The following PCCA variants were observed in gnomAD, a reference collection of about 807,000 sequenced individuals.
PCCA encodes the protein propionyl-CoA carboxylase subunit alpha, also known as propionyl-CoA carboxylase alpha chain, mitochondrial.
Under a neutral mutation model 101.3 loss-of-function variants are expected in PCCA, and 74 were observed. The ratio of observed to expected loss-of-function variants is 0.73; its 90% CI spans 0.61 to 0.89. The LOEUF is 0.89. Among genes scored for constraint, PCCA ranks in the 40% least tolerant of loss-of-function variants. PCCA has a pLI of 0.00. For missense variants in PCCA, 891 were observed against 907.0 expected, an observed-to-expected ratio of 0.98 and a Z score of 0.23; for synonymous variants, 294 against 313.6, an observed-to-expected ratio of 0.94 and a Z score of 0.66.
chr13:100,176,448 T>C (rs771269075), intron 6 of PCCA, among the ~76,000 whole-genome samples: 1 of 152,332 alleles, frequency 6.6e-6, no homozygotes, highest in Middle Eastern at 3.4e-3. Flanking sequence ...TGTATAAAAA[T>C]TTGGGTTTAT....
intron 4 of PCCA, among the ~76,000 whole-genome samples, chr13:100,117,136 T>C (rs1346134838): frequency 6.6e-6 from 1 of 152,240 alleles, no homozygotes; most frequent in Non-Finnish European, 1.5e-5. Flanking sequence ...TTTTGTGTTT[T>C]ATTTTTAAGT....
intron 20 of PCCA, among the ~76,000 whole-genome samples, chr13:100,445,742 G>A (rs2080778992): frequency 6.6e-6 from 1 of 150,934 alleles, no homozygotes; most frequent in South Asian, 2.1e-4. Flanking sequence ...GCAAATGGTA[G>A]GATTTTCTTT....
At chr13:100,493,509 A>G (rs1198088014) in intron 21 of PCCA, among the ~76,000 whole-genome samples, 16 of 152,166 alleles carry the variant, frequency 1.1e-4, no homozygotes, top group Admixed American at 9.8e-4. Flanking sequence ...ACGTGGATGC[A>G]GCTCGGTTCT....
chr13:100,444,053 A>G (rs536185286), intron 20 of PCCA, among the ~76,000 whole-genome samples: 1 of 152,042 alleles, frequency 6.6e-6, no homozygotes, highest in South Asian at 2.1e-4. Context: ...CTGGGTTTAT[A>G]ATTCCTTCCT....
At chr13:100,477,517 G>T (rs746418227) in intron 21 of PCCA, 2 of 152,170 alleles carry the variant, frequency 1.3e-5, no homozygotes, top group Non-Finnish European at 2.9e-5. Context: ...GTGCTCATTC[G>T]GGTAGTGCAG....
At chr13:100,403,840 C>T (rs984761813) in intron 19 of PCCA, among the ~76,000 whole-genome samples, 2 of 152,134 alleles carry the variant, frequency 1.3e-5, no homozygotes, top group Admixed American at 6.5e-5. Flanking sequence ...TTCCTCCCTG[C>T]TGCAAACACT....
At chr13:100,468,397 A>G (rs1038724528) in intron 21 of PCCA, among the ~76,000 whole-genome samples, 2 of 152,166 alleles carry the variant, frequency 1.3e-5, no homozygotes, top group African/African-American at 4.8e-5. Context: ...CTAGTTGTGA[A>G]AGTTAGATGA....
chr13:100,442,662 G>C (rs890824877), intron 20 of PCCA, among the ~76,000 whole-genome samples: 1 of 152,146 alleles, frequency 6.6e-6, no homozygotes, highest in African/African-American at 2.4e-5. Flanking sequence ...TCCAGCAGGG[G>C]GAAGTAGATA....
At chr13:100,387,374 A>C (rs1299262188) in intron 19 of PCCA, among the ~76,000 whole-genome samples, 2 of 152,214 alleles carry the variant, frequency 1.3e-5, no homozygotes, top group African/African-American at 4.8e-5. Flanking sequence ...TGTGTTTCCC[A>C]ATAGCAAAAG....
chr13:100,346,221 A>G (rs2072194747), intron 18 of PCCA, among the ~76,000 whole-genome samples: 1 of 152,216 alleles, frequency 6.6e-6, no homozygotes, highest in Admixed American at 6.5e-5. Flanking sequence ...GATCTGGACA[A>G]AGCAAATTGA....
chr13:100,247,234 T>C (rs1008878318), intron 8 of PCCA, among the ~76,000 whole-genome samples: 3 of 144,274 alleles, frequency 2.1e-5, no homozygotes, highest in Non-Finnish European at 4.5e-5. Flanking sequence ...TTTTTTTTTT[T>C]TGAGACAGAG....
intron 4 of PCCA, among the ~76,000 whole-genome samples, chr13:100,139,680 T>C (rs1228306873): frequency 6.6e-6 from 1 of 152,164 alleles, no homozygotes; most frequent in African/African-American, 2.4e-5. Flanking sequence ...AATAACTTCC[T>C]TAAAATCTTT....
chr13:100,123,356 T>A (rs1306231553), intron 4 of PCCA, among the ~76,000 whole-genome samples: 2 of 152,170 alleles, frequency 1.3e-5, no homozygotes, highest in African/African-American at 4.8e-5. Context: ...CACCTGGCCC[T>A]GAATAACTCT....
chr13:100,260,699 A>G (rs1566815137), intron 9 of PCCA, among the ~76,000 whole-genome samples: 1 of 152,166 alleles, frequency 6.6e-6, no homozygotes, highest in East Asian at 1.9e-4. Context: ...ACTTGGCCAC[A>G]AATTAGTTGT....
At chr13:100,496,978 G>A (rs1485468103) in intron 21 of PCCA, among the ~76,000 whole-genome samples, 5 of 152,288 alleles carry the variant, frequency 3.3e-5, no homozygotes, top group Non-Finnish European at 5.9e-5. Context: ...AAGATGTCAC[G>A]GAATCCCAGT....
intron 2 of PCCA, among the ~76,000 whole-genome samples, chr13:100,108,263 A>G (rs1594120894): frequency 6.6e-6 from 1 of 152,220 alleles, no homozygotes; most frequent in African/African-American, 2.4e-5. Flanking sequence ...TTATTAGTAC[A>G]GTTATAGAGC....
chr13:100,401,574 TA>T (rs994031686), intron 19 of PCCA, among the ~76,000 whole-genome samples: 1 of 152,124 alleles, frequency 6.6e-6, no homozygotes, highest in Non-Finnish European at 1.5e-5. Flanking sequence ...TATTTTTTTT[TA>T]ATTGTATCTT....
chr13:100,459,732 G>C (rs1483376970), intron 21 of PCCA, among the ~76,000 whole-genome samples: 3 of 152,166 alleles, frequency 2.0e-5, no homozygotes, highest in Non-Finnish European at 4.4e-5. Context: ...CAACTGCTCA[G>C]GCTGCCATAA....
chr13:100,318,777 T>C (rs1011992097), intron 16 of PCCA, among the ~76,000 whole-genome samples: 1 of 152,188 alleles, frequency 6.6e-6, no homozygotes, highest in African/African-American at 2.4e-5. Context: ...TTGTGAATAG[T>C]GCTGCAATAA....
Sources: gnomAD v4.1 joint callset for allele counts (sites outside exome capture counted in the v4.1 genomes callset) on GRCh38, gnomAD v4.1.1 for gene constraint, MANE v1.5 for transcripts, NCBI Gene and HGNC (gene_info 2026-07-23, HGNC 2026-07-21) for gene names.